PSMB3: variants seen among roughly 807,000 people sequenced by gnomAD.
The protein encoded by PSMB3 is proteasome 20S subunit beta 3.
In PSMB3, 5 loss-of-function variants were observed where a neutral mutation model predicts 23.3. The observed-to-expected ratio is 0.21, with a 90% CI of 0.11 to 0.45. The LOEUF is 0.45. PSMB3 is among the 20% of genes least tolerant of loss of function. The probability of loss-of-function intolerance (pLI) is 0.99; values close to 1 mark genes in which losing one functional copy is unlikely to be tolerated. For missense variants in PSMB3, 192 were observed against 277.9 expected (o/e 0.69, Z 2.20); for synonymous variants, 85 against 99.8 (o/e 0.85, Z 0.88).
At chr17:38,763,027 TGGACCCTTTTGGG>T (rs1204902935) in intron 5 of PSMB3, among the ~76,000 whole-genome samples, 1 of 152,204 alleles carries the variant, frequency 6.6e-6, no homozygotes, top group Non-Finnish European at 1.5e-5. Flanking sequence ...GATAAGCATT[TGGACCCTTTTGGG>T]GGATAGCCTG....
intron 5 of PSMB3, among the ~76,000 whole-genome samples, chr17:38,763,914 TC>T (rs1301114722): frequency 6.6e-6 from 1 of 152,170 alleles, no homozygotes; most frequent in African/African-American, 2.4e-5. Context: ...TCTGTTCCTA[TC>T]CCTCCTTCCT....
At chr17:38,758,965 G>A (rs1198328140) in intron 3 of PSMB3, among the ~76,000 whole-genome samples, 2 of 152,138 alleles carry the variant, frequency 1.3e-5, no homozygotes, top group East Asian at 1.9e-4. Context: ...AGAATGGCTC[G>A]AACCCAGGAG....
chr17:38,762,563 C>T (rs1365647612), intron 5 of PSMB3, 58 bp downstream of exon 5: 1 of 1,498,968 alleles, frequency 6.7e-7, no homozygotes, highest in African/African-American at 1.4e-5. Context: ...TCTCTCCCTT[C>T]TCCACGAGCA....
Position 38,753,145 on chromosome 17 carries a change from C to T in PSMB3, c.4-5C>T, listed in dbSNP as rs1483438047. ...GCGCTGACCCCTCCGCTCTGTCTGT[C>T]CTAGTCTATTATGTCCTATAACGGA... is the stretch of plus-strand genomic sequence containing the variant. On this transcript the variant is annotated splice_polypyrimidine_tract_variant and splice_region_variant and intron_variant, in intron 1 of 5. Transcript: ENST00000619426. 6.2e-7 allele frequency: 1 copy of T among 1,613,080 alleles called. No individual in the cohort carries two copies. Among genetic ancestry groups the T allele is most frequent in the Non-Finnish European group, 8.5e-7 (1 of 1,179,510 alleles).
intron 2 of PSMB3, among the ~76,000 whole-genome samples, chr17:38,753,863 A>G (rs139550446): frequency 1.8e-4 from 28 of 152,288 alleles, no homozygotes; most frequent in Admixed American, 6.5e-4. Context: ...TTGTTATTAC[A>G]TCTCAGGGTT....
chr17:38,759,755 G>A (rs1474592243), intron 3 of PSMB3, among the ~76,000 whole-genome samples: 1 of 151,972 alleles, frequency 6.6e-6, no homozygotes, highest in Non-Finnish European at 1.5e-5. Flanking sequence ...CACCGTGTTA[G>A]CCAGGAAGGT....
chr17:38,760,413 T>C lies in PSMB3; in HGVS notation c.297-18T>C, dbSNP rs754914981. ...GTTCTTGAGTTCTGGTTTCTCTCTC[T>C]GATGCTGGCCCCCACAGGTTTGGCC... On this transcript the variant is annotated intron_variant, in intron 3 of 5. Coordinates refer to ENST00000619426, the MANE Select transcript of PSMB3 (RefSeq NM_002795.4). 1.5e-5 allele frequency: 24 copies of C among 1,611,974 alleles called. 1 individual carries two copies. The South Asian group carries it at 2.5e-4, about 17-fold the overall frequency.
chr17:38,756,654 C>A (rs1775063730), intron 3 of PSMB3, among the ~76,000 whole-genome samples: 1 of 152,014 alleles, frequency 6.6e-6, no homozygotes, highest in Admixed American at 6.6e-5. Context: ...TATCACCACA[C>A]CCGGCTAATT....
chr17:38,761,188 A>G (rs920829329), intron 4 of PSMB3, among the ~76,000 whole-genome samples: 3 of 150,888 alleles, frequency 2.0e-5, no homozygotes, highest in Admixed American at 6.6e-5. Context: ...CGTCTCTACT[A>G]AAAAAAAAGT....
chr17:38,759,623 C>T (rs58495792), intron 3 of PSMB3, among the ~76,000 whole-genome samples: 2 of 151,868 alleles, frequency 1.3e-5, no homozygotes, highest in African/African-American at 4.8e-5. Context: ...CGGCTCACTG[C>T]AAGCTCCGCC....
chr17:38,763,581 A>G (rs1449931003), intron 5 of PSMB3, among the ~76,000 whole-genome samples: 2 of 144,190 alleles, frequency 1.4e-5, no homozygotes, highest in African/African-American at 2.6e-5. Context: ...AGCTCACTGC[A>G]AACCTCTGCC....
rs148794814 is a variant in PSMB3 at position 38,757,690 on chromosome 17, C to T, written c.296+1700C>T. Among the ~76,000 whole-genome samples the T allele has an allele frequency of 3.1e-3, 478 of 152,322 alleles. 2 individuals carry two copies. The highest frequency in any genetic ancestry group is 0.011 in the African/African-American group (445 of 41,568). Reference sequence around the variant, plus strand: ...ATTAGCTGGGCGTGGTGGCACACACCGGTAATCCCAGCTACTTGGGAAGCT... The same window carrying T: ...ATTAGCTGGGCGTGGTGGCACACACTGGTAATCCCAGCTACTTGGGAAGCT... On this transcript the variant is annotated intron_variant, in intron 3 of 5. Coordinates refer to ENST00000619426, the MANE Select transcript of PSMB3 (RefSeq NM_002795.4).
In PSMB3 at chr17:38,760,612, C is replaced by T. The variant is rs187655616; in HGVS notation, c.474+4C>T. The T allele has an allele frequency of 5.9e-5, 96 of 1,614,126 alleles. 1 individual carries two copies. The East Asian group carries it at 9.4e-4, about 16-fold the overall frequency. ...GTCCCTCTGGGAGCCCAACATGGTACGTTGGTGGCATGGAGAGGGGCTGGG... is the reference window on the plus strand; with the variant it reads ...GTCCCTCTGGGAGCCCAACATGGTATGTTGGTGGCATGGAGAGGGGCTGGG... On this transcript the variant is annotated splice_donor_region_variant and intron_variant, in intron 4 of 5. Coordinates refer to ENST00000619426, the MANE Select transcript of PSMB3 (RefSeq NM_002795.4).
Position 38,760,433 on chromosome 17 carries a change from T to A in PSMB3, c.299T>A (p.Phe100Tyr). 2 of 1,613,950 alleles carry A rather than the reference T, an allele frequency of 1.2e-6. No homozygotes were observed. Among genetic ancestry groups the A allele is most frequent in the Non-Finnish European group, 1.7e-6 (2 of 1,179,962 alleles). The change falls in exon 4 of 6, where the codon TTT becomes TAT. Residue 100 changes from phenylalanine to tyrosine, a missense_variant and splice_region_variant. Phe to Tyr is a conservative substitution (Grantham distance 22, BLOSUM62 3). Transcript: ENST00000619426. ...CTCTCTGATGCTGGCCCCCACAGGTTTGGCCCTTACTACACTGAGCCAGTC... is the reference window on the plus strand; with the variant it reads ...CTCTCTGATGCTGGCCCCCACAGGTATGGCCCTTACTACACTGAGCCAGTC... ...MVANLLYEKR[F>Y]GPYYTEPVIA...
chr17:38,763,494 CCCCTT>C (rs1908534515), intron 5 of PSMB3, among the ~76,000 whole-genome samples: 2 of 132,500 alleles, frequency 1.5e-5, no homozygotes, highest in Non-Finnish European at 3.1e-5. Flanking sequence ...GAGCTTCTTC[CCCCTT>C]TTTTTTTTTT....
chr17:38,757,499 C>G (rs1197916015), intron 3 of PSMB3, among the ~76,000 whole-genome samples: 1 of 150,300 alleles, frequency 6.7e-6, no homozygotes, highest in East Asian at 2.0e-4. Context: ...GCCTTGGTGA[C>G]AGAGTGAGAC....
intron 3 of PSMB3, among the ~76,000 whole-genome samples, chr17:38,760,012 G>A (rs1345946706): frequency 6.6e-6 from 1 of 152,150 alleles, no homozygotes; most frequent in Non-Finnish European, 1.5e-5. Context: ...CTTGTATTAT[G>A]TTTTAATGGT....
chr17:38,758,750 A>G (rs1398168147), intron 3 of PSMB3, among the ~76,000 whole-genome samples: 2 of 152,194 alleles, frequency 1.3e-5, no homozygotes, highest in Non-Finnish European at 2.9e-5. Context: ...TGCCCTTAGA[A>G]ATGACTGTGA....
At chr17:38,763,197 A>G (rs1908517748) in intron 5 of PSMB3, among the ~76,000 whole-genome samples, 1 of 152,102 alleles carries the variant, frequency 6.6e-6, no homozygotes, top group Admixed American at 6.5e-5. Context: ...TACTAAAGAT[A>G]CATAAAATTA....
Sources: gnomAD v4.1 joint callset for allele counts (sites outside exome capture counted in the v4.1 genomes callset) on GRCh38, gnomAD v4.1.1 for gene constraint, MANE v1.5 for transcripts, NCBI Gene and HGNC (gene_info 2026-07-23, HGNC 2026-07-21) for gene names.